The following SPATC1L variants were observed in gnomAD, a reference collection of about 807,000 sequenced individuals.
SPATC1L encodes the protein spermatogenesis and centriole associated 1 like, also known as speriolin-like protein.
A neutral mutation model predicts 21.2 loss-of-function variants in SPATC1L; 20 were observed. The ratio of observed to expected loss-of-function variants is 0.94; its 90% CI spans 0.66 to 1.37. SPATC1L has a LOEUF of 1.37. Ranked by LOEUF, SPATC1L falls within the 40% of genes most tolerant of loss-of-function variation. The pLI, the probability that SPATC1L is intolerant of heterozygous loss-of-function variation, is 0.00. For missense variants in SPATC1L, 499 were observed against 478.7 expected (o/e 1.04, Z -0.40); for synonymous variants, 290 against 234.5 (o/e 1.24, Z -2.16).
At position 46,181,913 on chromosome 21, in the gene SPATC1L, C is replaced by T. The variant is rs146518142; in HGVS notation, c.193+711G>A. Reference sequence around the variant, plus strand: ...CCCCACCCCAAATCACATGCAGGAACGGGTAATGTTTTTCCCAAACCTTTT... The same window carrying T: ...CCCCACCCCAAATCACATGCAGGAATGGGTAATGTTTTTCCCAAACCTTTT... On this transcript the variant is annotated intron_variant, in intron 2 of 4. Coordinates refer to ENST00000291672, the MANE Select transcript of SPATC1L (RefSeq NM_001142854.2). 2.0e-4 allele frequency among the ~76,000 whole-genome samples: 30 copies of T among 152,358 alleles called. No individual in the cohort carries two copies. The East Asian group carries it at 3.5e-3, about 18-fold the overall frequency.
intron 2 of SPATC1L, among the ~76,000 whole-genome samples, chr21:46,177,481 C>T (rs2079640740): frequency 6.6e-6 from 1 of 152,158 alleles, no homozygotes; most frequent in Non-Finnish European, 1.5e-5. Flanking sequence ...GACATACATA[C>T]AGCCAACGAG....
rs1185950595 is a variant in SPATC1L at position 46,161,965 on chromosome 21, G to C, written c.647C>G (p.Thr216Arg). 2 of 1,608,018 alleles carry C rather than the reference G, an allele frequency of 1.2e-6. No homozygotes were observed. Among genetic ancestry groups the C allele is most frequent in the Non-Finnish European group, 1.7e-6 (2 of 1,179,244 alleles). ...RILAYVFPGVTRLYGFTVANI... is the reference protein window; with the variant it reads ...RILAYVFPGVRRLYGFTVANI... The stretch of plus-strand genomic sequence containing the variant: ...GGCCACCGTGAAGCCGTAGAGCCGC[G>C]TCACGCCCGGGAACACGTAGGCCAG... The change falls in exon 4 of 5, where the codon ACG becomes AGG. Residue 216 changes from threonine to arginine, a missense_variant. Coordinates refer to ENST00000291672, the MANE Select transcript of SPATC1L (RefSeq NM_001142854.2).
chr21:46,162,583 G>T (rs2079509493), intron 3 of SPATC1L, among the ~76,000 whole-genome samples: 1 of 89,190 alleles, frequency 1.1e-5, no homozygotes, highest in African/African-American at 5.2e-5. Flanking sequence ...CCGCTGGGTT[G>T]GCAGGACTTT....
At chr21:46,178,029 T>A (rs2079644636) in intron 2 of SPATC1L, among the ~76,000 whole-genome samples, 1 of 151,196 alleles carries the variant, frequency 6.6e-6, no homozygotes, top group Non-Finnish European at 1.5e-5. Context: ...AGGTCAGGAG[T>A]TCGAGACCAG....
At chr21:46,173,416 C>T (rs1326956269) in intron 2 of SPATC1L, among the ~76,000 whole-genome samples, 1 of 152,144 alleles carries the variant, frequency 6.6e-6, no homozygotes, top group Non-Finnish European at 1.5e-5. Context: ...TGGGCCCAGG[C>T]AACTCCCCAC....
At chr21:46,162,605 TAGAC>T (rs200217124) in intron 3 of SPATC1L, among the ~76,000 whole-genome samples, 2,597 of 150,926 alleles carry the variant, frequency 0.017, 73 homozygotes, top group South Asian at 0.076. Flanking sequence ...TTTTTTTTCT[TAGAC>T]AGAGTCTCAC....
At chr21:46,173,931 G>A (rs936408856) in intron 2 of SPATC1L, among the ~76,000 whole-genome samples, 1 of 152,186 alleles carries the variant, frequency 6.6e-6, no homozygotes, top group Non-Finnish European at 1.5e-5. Flanking sequence ...CAGAGCTAGA[G>A]CATGCAGAGT....
intron 2 of SPATC1L, among the ~76,000 whole-genome samples, chr21:46,173,790 C>T (rs984548423): frequency 6.6e-6 from 1 of 152,116 alleles, no homozygotes; most frequent in Non-Finnish European, 1.5e-5. Context: ...TGTGGTGAAC[C>T]CCCACAGGAA....
At chr21:46,178,570 C>A (rs954664963) in intron 2 of SPATC1L, among the ~76,000 whole-genome samples, 2 of 152,060 alleles carry the variant, frequency 1.3e-5, no homozygotes, top group Non-Finnish European at 2.9e-5. Context: ...CACTTGTACC[C>A]CTGAACTTAA....
At chr21:46,176,824 G>C (rs913553675) in intron 2 of SPATC1L, among the ~76,000 whole-genome samples, 2 of 152,070 alleles carry the variant, frequency 1.3e-5, no homozygotes, top group Non-Finnish European at 2.9e-5. Context: ...GAATAGCCAA[G>C]GCAATCCTAA....
chr21:46,173,574 G>A (rs1263156162), intron 2 of SPATC1L, among the ~76,000 whole-genome samples: 1 of 151,882 alleles, frequency 6.6e-6, no homozygotes. Flanking sequence ...ATACCCGCCA[G>A]AACCCTGCCT....
chr21:46,182,710 C>G lies in SPATC1L; in HGVS notation c.107G>C (p.Ser36Thr). 1.3e-6 allele frequency: 2 copies of G among 1,545,906 alleles called. No homozygotes were observed. The highest frequency in any genetic ancestry group is 1.7e-6 in the Non-Finnish European group (2 of 1,146,632). ...KENQMLRRLL[S>T]QSCQEGGGHD... ...GCCGCCGCCCTCCTGGCAGCTCTGG[C>G]TGAGCAGCCGCCGCAGCATCTGATT... Residue 36 changes from serine (S) to threonine (T), a missense_variant, in exon 2 of 5, where the codon AGC (serine) becomes ACC (threonine). Coordinates refer to ENST00000291672, the MANE Select transcript of SPATC1L (RefSeq NM_001142854.2).
At chr21:46,184,133 G>A (rs1033068984) in intron 1 of SPATC1L, among the ~76,000 whole-genome samples, 1 of 152,158 alleles carries the variant, frequency 6.6e-6, no homozygotes, top group Non-Finnish European at 1.5e-5. Flanking sequence ...CCACCCCTCA[G>A]ACCACGAGCG....
At chr21:46,177,617 A>G (rs752247223) in intron 2 of SPATC1L, among the ~76,000 whole-genome samples, 34 of 152,244 alleles carry the variant, frequency 2.2e-4, no homozygotes, top group Non-Finnish European at 7.3e-5. Context: ...GATGCTGGCA[A>G]CGTTGCAGAG....
Position 46,161,243 on chromosome 21 carries a change from T to C in SPATC1L, c.*136A>G. On this transcript the variant is annotated 3_prime_UTR_variant, in exon 5 of 5. Transcript: ENST00000291672. The stretch of plus-strand genomic sequence containing the variant: ...GGCTGCGGTCGGGGCCCAGCACCGG[T>C]GGGAGCGGGGCCTTCTCTGGCCTCG... The C allele has an allele frequency of 2.8e-6, 2 of 726,478 alleles. No homozygotes were observed. The highest frequency in any genetic ancestry group is 5.8e-5 in the South Asian group (2 of 34,474). 45.0% of individuals were successfully genotyped at this position (726,478 alleles called of 1,614,324 possible). A position where few individuals can be genotyped will look rare whatever the true frequency, so the allele number is the denominator to read the frequency against.
Position 46,161,691 on chromosome 21 carries a change from A to C in SPATC1L, c.711T>G (p.Ser237=). The C allele has an allele frequency of 6.3e-7, 1 of 1,599,606 alleles. No homozygotes were observed. Among genetic ancestry groups the C allele is most frequent in the Middle Eastern group, 1.8e-4 (1 of 5,642 alleles). ...PEKIEQTSTK[S]LDGSVDERKL... ...TCCTCTCGTCCACGGAGCCGTCCAG[A>C]GACTTGGTGGAGGTCTGCGGGCGCA... The change falls in exon 5 of 5, where the codon TCT becomes TCG. Residue 237 remains serine (S), a synonymous_variant. Coordinates refer to ENST00000291672, the MANE Select transcript of SPATC1L (RefSeq NM_001142854.2).
In SPATC1L at chr21:46,163,527, G is replaced by A. The variant is rs1291196476; in HGVS notation, c.545-1460C>T. ...ATCCATTTTGAGTTAATTTGTGTAT[G>A]TGGTGTGGAGTAAGGCCCAGCCTCA... On this transcript the variant is annotated intron_variant, in intron 3 of 4. Coordinates refer to ENST00000291672, the MANE Select transcript of SPATC1L (RefSeq NM_001142854.2). 3.3e-5 allele frequency among the ~76,000 whole-genome samples: 5 copies of A among 152,160 alleles called. No individual in the cohort carries two copies. In the East Asian group the frequency reaches 9.6e-4, roughly 29 times the overall value.
chr21:46,161,807 G>C, intron 4 of SPATC1L, 102 bp from the exon 5 acceptor site: 1 of 1,501,614 alleles, frequency 6.7e-7, no homozygotes, highest in Non-Finnish European at 8.9e-7. Flanking sequence ...GGGTCCCCGG[G>C]GTCCCCTCCT....
At chr21:46,169,295 AT>A in intron 2 of SPATC1L, among the ~76,000 whole-genome samples, 1 of 150,326 alleles carries the variant, frequency 6.7e-6, no homozygotes, top group African/African-American at 2.5e-5. Context: ...CTCTGTGAAC[AT>A]CCTCTGTGGA....
Sources: gnomAD v4.1 joint callset for allele counts (sites outside exome capture counted in the v4.1 genomes callset) on GRCh38, gnomAD v4.1.1 for gene constraint, MANE v1.5 for transcripts, NCBI Gene and HGNC (gene_info 2026-07-23, HGNC 2026-07-21) for gene names.